Variants in LMO7 observed in about 807,000 individuals in gnomAD.
LMO7 encodes LIM domain only protein 7.
In LMO7, 120 loss-of-function variants were observed where a neutral mutation model predicts 206.5. That is an observed-to-expected ratio of 0.58 (90% CI 0.50 to 0.68). The LOEUF (loss-of-function observed/expected upper bound fraction) is 0.68, where lower values mean the gene tolerates loss of function less well. Among genes scored for constraint, LMO7 ranks in the 30% least tolerant of loss-of-function variants. The pLI, the probability that LMO7 is intolerant of heterozygous loss-of-function variation, is 0.00. For synonymous variants in LMO7, 706 were observed against 681.5 expected (o/e 1.04, Z -0.56); for missense variants, 1,959 against 1,957.9 (o/e 1.00, Z -0.01).
At chr13:75,740,396 A>G (rs948760271) in intron 3 of LMO7, among the ~76,000 whole-genome samples, 1 of 152,240 alleles carries the variant, frequency 6.6e-6, no homozygotes, top group Non-Finnish European at 1.5e-5. Context: ...TGAGGCTACA[A>G]TGAGCTATGA....
chr13:75,727,017 A>C lies in LMO7; in HGVS notation c.141-12A>C, dbSNP rs1348793899. On this transcript the variant is annotated splice_polypyrimidine_tract_variant and intron_variant, in intron 2 of 30. Coordinates refer to ENST00000377534, the MANE Select transcript of LMO7 (RefSeq NM_001306080.2). The stretch of plus-strand genomic sequence containing the variant: ...CATCTTGTAATTGCATCTGTTATTT[A>C]TTTACTTTCAGTTTGATTAATAAGC... 3 of 1,479,076 alleles carry C rather than the reference A, an allele frequency of 2.0e-6. No individual in the cohort carries two copies. Among genetic ancestry groups the C allele is most frequent in the Non-Finnish European group, 2.8e-6 (3 of 1,059,306 alleles). The allele number at this position is 1,479,076 out of a possible 1,614,324, so 91.6% of individuals were successfully genotyped here.
intron 1 of LMO7, among the ~76,000 whole-genome samples, chr13:75,645,024 T>TA (rs761346074): frequency 1.3e-5 from 2 of 152,188 alleles, no homozygotes; most frequent in Admixed American, 6.5e-5. Flanking sequence ...TTTAAAGTGT[T>TA]AAAAAAGGAA....
rs1217907870 is a variant in LMO7, at chr13:75,713,030, T to C, written c.70-152T>C. ...TGTAATATAAAACAGACAGTACATATTCCTATAAGGAACAGATTATAGGAT... is the reference window on the plus strand; with the variant it reads ...TGTAATATAAAACAGACAGTACATACTCCTATAAGGAACAGATTATAGGAT... On this transcript the variant is annotated intron_variant, in intron 1 of 30. Transcript: ENST00000377534. 1.0e-5 allele frequency: 5 copies of C among 482,448 alleles called. No homozygotes were observed. In the East Asian group the frequency reaches 1.6e-4, roughly 15 times the overall value. The allele number at this position is 482,448 out of a possible 1,614,324, so 29.9% of individuals were successfully genotyped here.
At chr13:75,678,230 A>G (rs2040189279) in intron 1 of LMO7, among the ~76,000 whole-genome samples, 1 of 152,186 alleles carries the variant, frequency 6.6e-6, no homozygotes. Flanking sequence ...TGACTTCCAC[A>G]ATGGTTGAAC....
At chr13:75,785,240 G>C (rs2052231741) in intron 4 of LMO7, among the ~76,000 whole-genome samples, 1 of 152,112 alleles carries the variant, frequency 6.6e-6, no homozygotes, top group Admixed American at 6.5e-5. Flanking sequence ...TAAAAATATA[G>C]TAAGGTAGAA....
intron 4 of LMO7, among the ~76,000 whole-genome samples, chr13:75,789,933 TTAAGGGTA>T (rs1159730338): frequency 6.6e-6 from 1 of 152,028 alleles, no homozygotes; most frequent in Admixed American, 6.5e-5. Context: ...TTTGGAAAAT[TTAAGGGTA>T]TTTGGCCAAG....
At chr13:75,851,592 G>A (rs1031025111) in intron 27 of LMO7, among the ~76,000 whole-genome samples, 1 of 152,132 alleles carries the variant, frequency 6.6e-6, no homozygotes, top group Non-Finnish European at 1.5e-5. Context: ...TCAAGCTTGG[G>A]ATAAGATAAA....
intron 11 of LMO7, among the ~76,000 whole-genome samples, chr13:75,811,544 C>T (rs2056399825): frequency 6.6e-6 from 1 of 152,192 alleles, no homozygotes; most frequent in Non-Finnish European, 1.5e-5. Context: ...TGAAAAATAA[C>T]TGCCTATAAC....
intron 5 of LMO7, 92 bp from the exon 6 acceptor site, chr13:75,796,544 T>C: frequency 4.4e-6 from 3 of 680,328 alleles, no homozygotes; most frequent in Non-Finnish European, 7.9e-6. Flanking sequence ...TAATATGTGC[T>C]ATCATTTATC....
At chr13:75,746,616 C>T (rs1485107394) in intron 3 of LMO7, among the ~76,000 whole-genome samples, 1 of 152,224 alleles carries the variant, frequency 6.6e-6, no homozygotes, top group African/African-American at 2.4e-5. Context: ...AATGGGCCTG[C>T]ATTCCCCTAA....
At chr13:75,712,408 C>G (rs1351388482) in intron 1 of LMO7, among the ~76,000 whole-genome samples, 1 of 152,098 alleles carries the variant, frequency 6.6e-6, no homozygotes, top group Non-Finnish European at 1.5e-5. Context: ...CTGTGACCTT[C>G]ATTTTCTCTG....
chr13:75,685,214 G>T (rs138850975), intron 1 of LMO7, among the ~76,000 whole-genome samples: 11 of 152,270 alleles, frequency 7.2e-5, no homozygotes, highest in African/African-American at 2.6e-4. Context: ...ATTTCATTTT[G>T]CATAGCAGAT....
chr13:75,712,685 A>G (rs559133343), intron 1 of LMO7, among the ~76,000 whole-genome samples: 73 of 152,324 alleles, frequency 4.8e-4, no homozygotes, highest in African/African-American at 1.7e-3. Flanking sequence ...AATTAGGACG[A>G]TTTCATAAAT....
intron 1 of LMO7, among the ~76,000 whole-genome samples, chr13:75,665,848 G>A (rs1224116082): frequency 2.0e-5 from 3 of 152,098 alleles, no homozygotes; most frequent in African/African-American, 7.2e-5. Context: ...CATTTTATAT[G>A]TTCTATGGAT....
intron 1 of LMO7, among the ~76,000 whole-genome samples, chr13:75,705,594 T>A (rs939491353): frequency 2.6e-5 from 4 of 152,228 alleles, no homozygotes; most frequent in Admixed American, 2.0e-4. Flanking sequence ...ATTTATGTGG[T>A]TCCTATGAAT....
At chr13:75,838,270 G>C in intron 20 of LMO7, 74 bp downstream of exon 20, 1 of 1,512,970 alleles carries the variant, frequency 6.6e-7, no homozygotes, top group East Asian at 2.3e-5. Context: ...CATGGTCTGT[G>C]GTGCTGGGCA....
intron 4 of LMO7, among the ~76,000 whole-genome samples, chr13:75,765,882 C>G (rs1003630606): frequency 1.3e-5 from 2 of 152,120 alleles, no homozygotes; most frequent in Non-Finnish European, 2.9e-5. Context: ...CAAAAAAGCC[C>G]TGGGGTCTGA....
intron 3 of LMO7, 96 bp from the exon 4 acceptor site, chr13:75,760,836 T>A (rs1220287298): frequency 1.9e-6 from 3 of 1,565,270 alleles, no homozygotes; most frequent in Non-Finnish European, 1.7e-6. Context: ...CTGACTGTAA[T>A]TGGACTTTGA....
At chr13:75,716,339 T>G (rs2043532304) in intron 2 of LMO7, among the ~76,000 whole-genome samples, 1 of 152,224 alleles carries the variant, frequency 6.6e-6, no homozygotes, top group African/African-American at 2.4e-5. Context: ...GATACACATT[T>G]GAGTAATGAG....
Sources: gnomAD v4.1 joint callset for allele counts (sites outside exome capture counted in the v4.1 genomes callset) on GRCh38, gnomAD v4.1.1 for gene constraint, MANE v1.5 for transcripts, NCBI Gene and HGNC (gene_info 2026-07-23, HGNC 2026-07-21) for gene names.